WNK1: variants seen among roughly 807,000 people sequenced by gnomAD.
The protein encoded by WNK1 is WNK lysine deficient protein kinase 1, also known as serine/threonine-protein kinase WNK1.
In WNK1, 38 loss-of-function variants were observed where a neutral mutation model predicts 222.8. That is an observed-to-expected ratio of 0.17 (90% CI 0.13 to 0.22). The LOEUF (loss-of-function observed/expected upper bound fraction) is 0.22, where lower values mean the gene tolerates loss of function less well. Ranked by LOEUF, WNK1 falls within the 10% of genes least tolerant of loss-of-function variation. WNK1 has a pLI of 1.00. For missense variants in WNK1, 2,348 were observed against 2,918.4 expected (o/e 0.80, Z 4.50); for synonymous variants, 1,090 against 1,092.9 (o/e 1.00, Z 0.05).
intron 22 of WNK1, among the ~76,000 whole-genome samples, chr12:892,267 C>CA (rs1379776794): frequency 2.0e-5 from 3 of 151,934 alleles, no homozygotes; most frequent in African/African-American, 7.3e-5. Flanking sequence ...GCAGGGTTCA[C>CA]AAACTCTTTT....
At chr12:764,956 C>T (rs933012345) in intron 1 of WNK1, among the ~76,000 whole-genome samples, 2 of 147,374 alleles carry the variant, frequency 1.4e-5, no homozygotes, top group African/African-American at 4.9e-5. Context: ...CTGCCTCAGC[C>T]TCCTGAGTAG....
rs771385000 is a variant in WNK1 at position 896,717 on chromosome 12, G to A, written c.6230G>A (p.Arg2077Gln). ...IEDEDLKLEL[R>Q]RLRDKHLKEI... The stretch of plus-strand genomic sequence containing the variant: ...GATGAAGACTTAAAGTTAGAGCTGC[G>A]ACGACTACGAGATAAGTAAGTATAT... Residue 2077 changes from arginine (R) to glutamine (Q), a missense_variant, in exon 24 of 28, where the codon CGA becomes CAA. This residue lies in a region of WNK1 where 1,144 missense variants were observed against 1,273.6 expected (regional missense o/e 0.90). Transcript: ENST00000315939. 6.8e-6 allele frequency: 11 copies of A among 1,607,080 alleles called. No individual in the cohort carries two copies. The highest frequency in any genetic ancestry group is 1.6e-4 in the Middle Eastern group (1 of 6,080).
In WNK1 at chr12:885,368, G is replaced by A. The variant is rs146861951; in HGVS notation, c.4564G>A (p.Val1522Met). ...TTCTACTCCTACTTTAGCTGAAACC[G>A]TGGTAGTTAGCGCACACTCACTAGA... ...STSTPTLAET[V>M]VVSAHSLDKT... Residue 1522 changes from valine to methionine, a missense_variant, in exon 19 of 28, where the codon GTG (valine) becomes ATG (methionine). Transcript: ENST00000315939. 5.3e-4 allele frequency: 858 copies of A among 1,613,798 alleles called. 4 individuals are homozygous for A. The highest frequency in any genetic ancestry group is 1.8e-3 in the East Asian group (81 of 44,884).
At chr12:770,824 G>T (rs1942386138) in intron 1 of WNK1, among the ~76,000 whole-genome samples, 1 of 152,108 alleles carries the variant, frequency 6.6e-6, no homozygotes. Flanking sequence ...CCGGTAATCA[G>T]AAATGGCATT....
intron 2 of WNK1, among the ~76,000 whole-genome samples, chr12:824,150 A>G (rs1312068155): frequency 6.6e-6 from 1 of 150,520 alleles, no homozygotes; most frequent in East Asian, 2.0e-4. Context: ...CAGGTGATCC[A>G]TCCACCTCAG....
chr12:797,139 AT>A (rs1945389695), intron 1 of WNK1, among the ~76,000 whole-genome samples: 1 of 152,234 alleles, frequency 6.6e-6, no homozygotes, highest in Non-Finnish European at 1.5e-5. Flanking sequence ...ATTCATGAAA[AT>A]AAATAAATGT....
Position 886,533 on chromosome 12 carries a change from T to C in WNK1, c.5280+449T>C, listed in dbSNP as rs572127101. Among the ~76,000 whole-genome samples the C allele has an allele frequency of 1.0e-4, 15 of 149,718 alleles. No homozygotes were observed. The South Asian group carries it at 3.2e-3, about 32-fold the overall frequency. On this transcript the variant is annotated intron_variant, in intron 19 of 27. Coordinates refer to ENST00000315939, the MANE Select transcript of WNK1 (RefSeq NM_018979.4). ...GGGGTTATAAAAAATTGGAAGTTAG[T>C]AAGGAAATTGATACAGAGGAGAAAT...
Position 798,365 on chromosome 12 carries a change from A to G in WNK1, c.760-15277A>G, listed in dbSNP as rs537031388. On this transcript the variant is annotated intron_variant, in intron 1 of 27. Coordinates refer to ENST00000315939, the MANE Select transcript of WNK1 (RefSeq NM_018979.4). ...CTCCACCACGCCCGGCTAATTTTTTATATTTTTTAGTAGAGACGGAGTTTC... is the reference window on the plus strand; with the variant it reads ...CTCCACCACGCCCGGCTAATTTTTTGTATTTTTTAGTAGAGACGGAGTTTC... 9.6e-4 allele frequency among the ~76,000 whole-genome samples: 146 copies of G among 151,798 alleles called. 2 individuals are homozygous for G. The highest frequency in any genetic ancestry group is 7.7e-3 in the South Asian group (37 of 4,804).
chr12:784,666 A>G (rs1944093066), intron 1 of WNK1, among the ~76,000 whole-genome samples: 1 of 152,226 alleles, frequency 6.6e-6, no homozygotes, highest in East Asian at 1.9e-4. Context: ...TAGCTGTGCA[A>G]ATCTCCTGTC....
intron 1 of WNK1, among the ~76,000 whole-genome samples, chr12:778,637 C>A (rs1051565387): frequency 7.3e-6 from 1 of 136,592 alleles, no homozygotes; most frequent in African/African-American, 2.7e-5. Flanking sequence ...GGCCAATGAT[C>A]TTTTTTTTTT....
intron 4 of WNK1, among the ~76,000 whole-genome samples, chr12:844,946 A>G (rs1435990563): frequency 8.6e-6 from 1 of 116,792 alleles, no homozygotes; most frequent in African/African-American, 3.4e-5. Flanking sequence ...CCCAGGCTGG[A>G]GTGCAGTGGC....
intron 26 of WNK1, among the ~76,000 whole-genome samples, chr12:906,041 T>C (rs895109971): frequency 3.3e-5 from 5 of 152,172 alleles, no homozygotes; most frequent in African/African-American, 1.2e-4. Context: ...AGACCAGCGA[T>C]GGTCAGTAAC....
chr12:889,552 C>T (rs960074469), intron 21 of WNK1, among the ~76,000 whole-genome samples: 6 of 152,336 alleles, frequency 3.9e-5, no homozygotes, highest in Admixed American at 2.6e-4. Context: ...GGTGCAGTGG[C>T]TCACGCCTGT....
chr12:905,227 T>G (rs187254106), intron 26 of WNK1, among the ~76,000 whole-genome samples: 1 of 152,328 alleles, frequency 6.6e-6, no homozygotes, highest in East Asian at 1.9e-4. Context: ...ACATCTTTTA[T>G]AGTCAAGTCT....
At chr12:803,649 A>T (rs1029283157) in intron 1 of WNK1, among the ~76,000 whole-genome samples, 31 of 152,182 alleles carry the variant, frequency 2.0e-4, no homozygotes, top group African/African-American at 7.2e-4. Flanking sequence ...AGGCAGGAGA[A>T]TCGCTTGAAC....
intron 1 of WNK1, among the ~76,000 whole-genome samples, chr12:795,573 T>C (rs1320516054): frequency 6.6e-6 from 1 of 152,206 alleles, no homozygotes; most frequent in African/African-American, 2.4e-5. Flanking sequence ...CCTCCTTGCC[T>C]TCTGCCACGA....
intron 1 of WNK1, among the ~76,000 whole-genome samples, chr12:775,223 C>T (rs541530386): frequency 3.7e-4 from 57 of 152,228 alleles, no homozygotes; most frequent in African/African-American, 1.3e-3. Context: ...TTTGCTTTTG[C>T]AGTTACAATA....
At position 887,205 on chromosome 12, in the gene WNK1, C is replaced by A. The variant is rs1312552434; in HGVS notation, c.5281-16C>A. 6.2e-7 allele frequency: 1 copy of A among 1,613,840 alleles called. No individual in the cohort carries two copies. The highest frequency in any genetic ancestry group is 8.5e-7 in the Non-Finnish European group (1 of 1,179,792). ...TTAGCGTCTCACGGACTTGATTTTC[C>A]CTTTGTTGTCTGTAGGTGCTGCCAG... On this transcript the variant is annotated splice_polypyrimidine_tract_variant and intron_variant, in intron 19 of 27. Transcript: ENST00000315939.
chr12:813,933 A>G lies in WNK1; in HGVS notation c.932+119A>G, dbSNP rs565693399. On this transcript the variant is annotated intron_variant, in intron 2 of 27. Transcript: ENST00000315939. ...GCCTAAGAAGGGAACAGTCCTTCCA[A>G]CTGTTACTGTATTAGCATATTTCCT... 4.7e-5 allele frequency: 48 copies of G among 1,023,108 alleles called. No individual in the cohort carries two copies. In the African/African-American group the frequency reaches 4.9e-4, roughly 11 times the overall value. The allele number at this position is 1,023,108 out of a possible 1,614,324, so 63.4% of individuals were successfully genotyped here. A position where few individuals can be genotyped will look rare whatever the true frequency, so the allele number is the denominator to read the frequency against.
Sources: allele counts gnomAD v4.1 joint callset (sites outside exome capture counted in the v4.1 genomes callset), GRCh38; gene constraint gnomAD v4.1.1; regional missense constraint gnomAD v4.1.1; transcripts MANE v1.5; gene names NCBI Gene and HGNC (gene_info 2026-07-23, HGNC 2026-07-21).